NME7: variants seen among roughly 807,000 people sequenced by gnomAD.
NME7 encodes the protein nucleoside diphosphate kinase 7.
In NME7, 41 loss-of-function variants were observed where a neutral mutation model predicts 49.1. The observed-to-expected ratio is 0.83, with a 90% CI of 0.65 to 1.08. The LOEUF is 1.08. Ranked by LOEUF, NME7 falls within the 50% of genes least tolerant of loss-of-function variation. The pLI, the probability that NME7 is intolerant of heterozygous loss-of-function variation, is 0.00. For synonymous variants in NME7, 139 were observed against 150.6 expected (o/e 0.92, Z 0.56); for missense variants, 423 against 463.4 (o/e 0.91, Z 0.80).
At chr1:169,329,016 G>A (rs1413368809) in intron 1 of NME7, among the ~76,000 whole-genome samples, 1 of 152,078 alleles carries the variant, frequency 6.6e-6, no homozygotes, top group East Asian at 1.9e-4. Context: ...GATCATCCAG[G>A]AAAATATGAA....
At chr1:169,234,760 G>A (rs1323882891) in intron 9 of NME7, among the ~76,000 whole-genome samples, 1 of 152,134 alleles carries the variant, frequency 6.6e-6, no homozygotes, top group Non-Finnish European at 1.5e-5. Flanking sequence ...TTAGGAAGCT[G>A]CAGGCTGGTT....
chr1:169,169,435 T>G lies in NME7; in HGVS notation c.1098+12A>C. 1 of 1,601,654 alleles carries G rather than the reference T, an allele frequency of 6.2e-7. No individual in the cohort carries two copies. Among genetic ancestry groups the G allele is most frequent in the Non-Finnish European group, 8.5e-7 (1 of 1,170,902 alleles). ...TGAAATATAAATAGGATGTTTACCT[T>G]CTTTATCTTACCTCTAATAGGCCAT... On this transcript the variant is annotated intron_variant, in intron 11 of 11. Transcript: ENST00000367811.
chr1:169,330,131 T>C (rs1278373536), intron 1 of NME7, among the ~76,000 whole-genome samples: 1 of 152,150 alleles, frequency 6.6e-6, no homozygotes, highest in Admixed American at 6.5e-5. Flanking sequence ...ATAAAGACTT[T>C]CCCAGACAAA....
intron 1 of NME7, among the ~76,000 whole-genome samples, chr1:169,352,169 C>G (rs958752963): frequency 1.3e-5 from 2 of 151,560 alleles, no homozygotes; most frequent in Non-Finnish European, 2.9e-5. Context: ...AATATTGATG[C>G]AGAAATCTTC....
At chr1:169,183,561 G>T (rs1375951461) in intron 10 of NME7, among the ~76,000 whole-genome samples, 1 of 152,190 alleles carries the variant, frequency 6.6e-6, no homozygotes, top group Non-Finnish European at 1.5e-5. Context: ...CAGCACTTTG[G>T]GAGGCTGAGG....
At chr1:169,192,949 T>C (rs1231035468) in intron 10 of NME7, among the ~76,000 whole-genome samples, 2 of 152,314 alleles carry the variant, frequency 1.3e-5, no homozygotes, top group East Asian at 3.9e-4. Flanking sequence ...ATAATATGAA[T>C]AGTCAATTCC....
At chr1:169,158,779 C>T (rs1283765584) in intron 11 of NME7, among the ~76,000 whole-genome samples, 2 of 152,086 alleles carry the variant, frequency 1.3e-5, no homozygotes, top group African/African-American at 2.4e-5. Flanking sequence ...CAGTGGACCC[C>T]GAGAATTTCA....
chr1:169,312,835 T>C (rs1251237894), intron 3 of NME7, among the ~76,000 whole-genome samples: 1 of 152,210 alleles, frequency 6.6e-6, no homozygotes, highest in Admixed American at 6.5e-5. Flanking sequence ...TTAAATGCCA[T>C]TGACCAAAAA....
chr1:169,307,060 T>C (rs972416361), intron 4 of NME7, among the ~76,000 whole-genome samples: 1 of 152,182 alleles, frequency 6.6e-6, no homozygotes, highest in African/African-American at 2.4e-5. Context: ...AACTGTAGAA[T>C]GGAAATGAGG....
At chr1:169,308,744 G>A (rs1011136540) in intron 4 of NME7, among the ~76,000 whole-genome samples, 4 of 152,036 alleles carry the variant, frequency 2.6e-5, no homozygotes, top group Middle Eastern at 3.4e-3. Context: ...CCATTCTTAC[G>A]GGGTTAGAGT....
intron 7 of NME7, among the ~76,000 whole-genome samples, chr1:169,276,185 G>A (rs1191680977): frequency 7.5e-6 from 1 of 133,828 alleles, no homozygotes; most frequent in East Asian, 2.0e-4. Context: ...TTGGTATCAG[G>A]ATGATGCTGG....
At chr1:169,261,876 C>T (rs1649175740) in intron 7 of NME7, among the ~76,000 whole-genome samples, 2 of 134,162 alleles carry the variant, frequency 1.5e-5, no homozygotes, top group African/African-American at 5.0e-5. Context: ...CTGTTGCACA[C>T]TAAAGTTTGA....
At chr1:169,181,134 T>TATC (rs1553243264) in intron 10 of NME7, among the ~76,000 whole-genome samples, 3,964 of 124,078 alleles carry the variant, frequency 0.032, 99 homozygotes, top group East Asian at 0.15. Context: ...TCCTATCTAT[T>TATC]TATCTATCTA....
chr1:169,332,135 G>A (rs1255179614), intron 1 of NME7, among the ~76,000 whole-genome samples: 1 of 151,880 alleles, frequency 6.6e-6, no homozygotes, highest in Non-Finnish European at 1.5e-5. Context: ...TAGACCAATG[G>A]AACAGAATAG....
intron 3 of NME7, among the ~76,000 whole-genome samples, chr1:169,319,422 T>G (rs1468832236): frequency 2.0e-5 from 3 of 152,234 alleles, no homozygotes; most frequent in Non-Finnish European, 2.9e-5. Flanking sequence ...TTGGAATTTT[T>G]GGGCTGTATT....
At chr1:169,294,897 T>C (rs1191108476) in intron 6 of NME7, among the ~76,000 whole-genome samples, 1 of 152,184 alleles carries the variant, frequency 6.6e-6, no homozygotes, top group Non-Finnish European at 1.5e-5. Flanking sequence ...ATGTTGGAGA[T>C]AGGGCCTAAT....
chr1:169,263,621 A>G lies in NME7; in HGVS notation c.754+23682T>C, dbSNP rs1649230099. Among the ~76,000 whole-genome samples, 2 of 133,876 alleles carry G rather than the reference A, an allele frequency of 1.5e-5. 1 individual carries two copies. The highest frequency in any genetic ancestry group is 5.1e-5 in the African/African-American group (2 of 39,590). The allele number at this position is 133,876 out of a possible 152,430, so 87.8% of individuals were successfully genotyped here. On this transcript the variant is annotated intron_variant, in intron 7 of 11. Coordinates refer to ENST00000367811, the MANE Select transcript of NME7 (RefSeq NM_013330.5). Reference sequence around the variant, plus strand: ...TGGAATTATGTAAAAGACCAAATCTATGACTCTCTGGCATACCTGAAAGAA... The same window carrying G: ...TGGAATTATGTAAAAGACCAAATCTGTGACTCTCTGGCATACCTGAAAGAA...
chr1:169,168,039 G>T (rs1200083), intron 11 of NME7, among the ~76,000 whole-genome samples: 2 of 151,896 alleles, frequency 1.3e-5, no homozygotes, highest in Non-Finnish European at 2.9e-5. Flanking sequence ...AGGGAACGGC[G>T]GTCTCCTAGT....
chr1:169,216,874 T>G (rs766738539), intron 10 of NME7, among the ~76,000 whole-genome samples: 38 of 152,262 alleles, frequency 2.5e-4, no homozygotes, highest in Non-Finnish European at 5.0e-4. Context: ...AGGTCTTTTC[T>G]GTTGACTGTT....
Sources: allele counts gnomAD v4.1 joint callset (sites outside exome capture counted in the v4.1 genomes callset), GRCh38; gene constraint gnomAD v4.1.1; transcripts MANE v1.5; gene names NCBI Gene and HGNC (gene_info 2026-07-23, HGNC 2026-07-21).